OPCML: variants seen among roughly 807,000 people sequenced by gnomAD.
OPCML encodes the protein opioid binding protein/cell adhesion molecule like, also known as opioid-binding protein/cell adhesion molecule.
In OPCML, 13 loss-of-function variants were observed where a neutral mutation model predicts 37.8. The ratio of observed to expected loss-of-function variants is 0.34; its 90% CI spans 0.22 to 0.55. OPCML has a LOEUF of 0.55. Ranked by LOEUF, OPCML falls within the 20% of genes least tolerant of loss-of-function variation. OPCML has a pLI of 0.91. For missense variants in OPCML, 341 were observed against 435.6 expected (o/e 0.78, Z 1.93); for synonymous variants, 176 against 168.8 (o/e 1.04, Z -0.33).
At chr11:132,454,333 A>C (rs556142134) in intron 4 of OPCML, among the ~76,000 whole-genome samples, 3 of 152,312 alleles carry the variant, frequency 2.0e-5, no homozygotes, top group African/African-American at 7.2e-5. Flanking sequence ...GTTTGCATCC[A>C]TTCCTGGGAG....
chr11:132,801,128 C>A (rs1456059026), intron 2 of OPCML, among the ~76,000 whole-genome samples: 1 of 152,138 alleles, frequency 6.6e-6, no homozygotes, highest in Non-Finnish European at 1.5e-5. Context: ...TTGCAGTGTG[C>A]ATCTTTCTGG....
intron 1 of OPCML, among the ~76,000 whole-genome samples, chr11:132,977,484 A>T (rs949667161): frequency 2.0e-5 from 3 of 152,256 alleles, no homozygotes; most frequent in Non-Finnish European, 2.9e-5. Flanking sequence ...TCACAAAATC[A>T]CAAGAAAATG....
intron 7 of OPCML, among the ~76,000 whole-genome samples, chr11:132,433,188 G>A (rs1442471804): frequency 1.3e-5 from 2 of 152,202 alleles, no homozygotes; most frequent in Admixed American, 1.3e-4. Context: ...AGGCATATGG[G>A]GGGAAGAGGC....
intron 1 of OPCML, among the ~76,000 whole-genome samples, chr11:133,419,520 A>G (rs7928080): frequency 0.071 from 10,787 of 152,270 alleles, 1,093 homozygotes; most frequent in African/African-American, 0.22. Flanking sequence ...CATTACTTTC[A>G]AATTATTTTA....
chr11:132,645,301 G>T (rs1377726164), intron 3 of OPCML, among the ~76,000 whole-genome samples: 1 of 152,202 alleles, frequency 6.6e-6, no homozygotes, highest in African/African-American at 2.4e-5. Flanking sequence ...GCTGGACGTG[G>T]CTTTTCATGA....
chr11:132,577,985 G>A (rs2096454504), intron 3 of OPCML, among the ~76,000 whole-genome samples: 1 of 151,958 alleles, frequency 6.6e-6, no homozygotes, highest in African/African-American at 2.4e-5. Flanking sequence ...GAGCCCAACA[G>A]GTTACTATAT....
chr11:132,864,965 G>A (rs1038143965), intron 2 of OPCML, among the ~76,000 whole-genome samples: 4 of 152,240 alleles, frequency 2.6e-5, no homozygotes, highest in African/African-American at 7.2e-5. Context: ...GTGGGAGAGC[G>A]GACAGCGAGC....
intron 1 of OPCML, among the ~76,000 whole-genome samples, chr11:132,972,288 T>A (rs1946361746): frequency 6.6e-6 from 1 of 152,202 alleles, no homozygotes; most frequent in Admixed American, 6.5e-5. Context: ...ACCCTCTTGA[T>A]GACTGGGCAA....
At chr11:133,156,440 C>G (rs916314448) in intron 1 of OPCML, among the ~76,000 whole-genome samples, 1 of 152,168 alleles carries the variant, frequency 6.6e-6, no homozygotes, top group Non-Finnish European at 1.5e-5. Flanking sequence ...CTCTATGTTC[C>G]CAGAATTCCC....
chr11:132,648,696 A>G (rs1941278988), intron 3 of OPCML, among the ~76,000 whole-genome samples: 1 of 152,044 alleles, frequency 6.6e-6, no homozygotes, highest in Non-Finnish European at 1.5e-5. Context: ...AAAAATCATC[A>G]TCAAACCAGG....
chr11:133,196,834 T>C (rs1938554534), intron 1 of OPCML, among the ~76,000 whole-genome samples: 1 of 152,188 alleles, frequency 6.6e-6, no homozygotes, highest in Non-Finnish European at 1.5e-5. Flanking sequence ...GAGCTATTTA[T>C]TTACATGTCT....
At chr11:132,552,761 C>CCCTTTTTTTTTTTTTTTTTTTTTTTTTTT (rs1337627753) in intron 3 of OPCML, among the ~76,000 whole-genome samples, 11 of 67,480 alleles carry the variant, frequency 1.6e-4, no homozygotes, top group African/African-American at 7.5e-4. Context: ...TTAAACACTA[C>CCCTTTTTTTTTTTTTTTTTTTTTTTTTTT]TCTTTTTTTT....
At chr11:133,219,526 G>T (rs1939724302) in intron 1 of OPCML, among the ~76,000 whole-genome samples, 2 of 152,200 alleles carry the variant, frequency 1.3e-5, no homozygotes, top group Non-Finnish European at 2.9e-5. Flanking sequence ...TTTTAGCATG[G>T]ATAAGAATCA....
At chr11:133,475,763 T>C (rs971800125) in intron 1 of OPCML, among the ~76,000 whole-genome samples, 2 of 152,184 alleles carry the variant, frequency 1.3e-5, no homozygotes, top group African/African-American at 4.8e-5. Context: ...AAGCCCAGCG[T>C]GGATGGCGGA....
At chr11:133,226,597 A>G (rs564931609) in intron 1 of OPCML, among the ~76,000 whole-genome samples, 2 of 152,340 alleles carry the variant, frequency 1.3e-5, no homozygotes, top group Admixed American at 1.3e-4. Context: ...GCAATAATGT[A>G]TCTAGATTAA....
intron 3 of OPCML, among the ~76,000 whole-genome samples, chr11:132,626,744 T>C (rs2137956996): frequency 6.6e-6 from 1 of 151,550 alleles, no homozygotes; most frequent in Non-Finnish European, 1.5e-5. Context: ...GAGTTTTGGA[T>C]TATACACTTT....
chr11:132,820,038 A>G (rs1035466256), intron 2 of OPCML, among the ~76,000 whole-genome samples: 8 of 152,034 alleles, frequency 5.3e-5, no homozygotes, highest in Non-Finnish European at 1.2e-4. Context: ...AGGGTCTTAC[A>G]TATAGCCTTA....
At chr11:132,920,428 GT>G (rs942040438) in intron 2 of OPCML, among the ~76,000 whole-genome samples, 1 of 152,314 alleles carries the variant, frequency 6.6e-6, no homozygotes, top group Admixed American at 6.5e-5. Context: ...AGTTACTGTG[GT>G]TTGCGGGAGA....
At chr11:132,469,234 G>A (rs151190995) in intron 4 of OPCML, among the ~76,000 whole-genome samples, 12 of 152,266 alleles carry the variant, frequency 7.9e-5, no homozygotes, top group Middle Eastern at 3.4e-3. Context: ...GAAAAGATAG[G>A]AAAATAAAAA....
Sources: gnomAD v4.1 joint callset for allele counts (sites outside exome capture counted in the v4.1 genomes callset) on GRCh38, gnomAD v4.1.1 for gene constraint, MANE v1.5 for transcripts, NCBI Gene and HGNC (gene_info 2026-07-23, HGNC 2026-07-21) for gene names.